Variants in USP14 observed in about 807,000 individuals in gnomAD.
USP14 encodes the protein ubiquitin carboxyl-terminal hydrolase 14.
USP14 carries 38 observed loss-of-function variants against 76.5 expected under a neutral mutation model. The ratio of observed to expected loss-of-function variants is 0.50; its 90% CI spans 0.38 to 0.65. The LOEUF (loss-of-function observed/expected upper bound fraction) is 0.65. USP14 is among the 30% of genes least tolerant of loss of function. The pLI, the probability that USP14 is intolerant of heterozygous loss-of-function variation, is 0.00. For synonymous variants in USP14, 192 were observed against 191.7 expected (o/e 1.00, Z -0.01); for missense variants, 467 against 586.5 (o/e 0.80, Z 2.10).
intron 6 of USP14, among the ~76,000 whole-genome samples, chr18:194,074 T>G (rs559374588): frequency 6.6e-4 from 100 of 152,356 alleles, no homozygotes; most frequent in Non-Finnish European, 1.1e-3. Flanking sequence ...CTGATTTCTC[T>G]GTCTCCTTAC....
In USP14 at chr18:196,675, T is replaced by C. The variant is rs1471765831; in HGVS notation, c.502T>C (p.Ser168Pro). The C allele has an allele frequency of 6.2e-7, 1 of 1,613,946 alleles. No homozygotes were observed. The highest frequency in any genetic ancestry group is 1.1e-5 in the South Asian group (1 of 91,024). ...DLFDSMDKTS[S>P]SIPPIILLQF... ...GTTTGATTCCATGGATAAAACTTCT[T>C]CCAGTATTCCACCTATTATTCTACT... The change falls in exon 7 of 16, where the codon TCC (serine) becomes CCC (proline). Residue 168 changes from serine to proline, a missense_variant. Physicochemically the swap from Ser to Pro is moderately conservative, Grantham distance 74 (BLOSUM62 -1). Coordinates refer to ENST00000261601, the MANE Select transcript of USP14 (RefSeq NM_005151.4).
Position 199,313 on chromosome 18 carries a change from A to C in USP14, c.873A>C (p.Lys291Asn). 6.2e-7 allele frequency: 1 copy of C among 1,600,362 alleles called. No homozygotes were observed. The highest frequency in any genetic ancestry group is 8.6e-7 in the Non-Finnish European group (1 of 1,167,872). Residue 291 changes from lysine (K) to asparagine (N), a missense_variant, in exon 10 of 16, where the codon AAA (lysine) becomes AAC (asparagine). Lys to Asn is a moderately conservative substitution (Grantham distance 94). Coordinates refer to ENST00000261601, the MANE Select transcript of USP14 (RefSeq NM_005151.4). ...TCAAGTATCTTTTTACAGGACTTAA[A>C]TTGGTAAGGACAATCTCAGTCCATC... ...QEVKYLFTGL[K>N]LRLQEEITKQ...
At position 181,796 on chromosome 18, in the gene USP14, A is replaced by G. The variant is rs1055987601; in HGVS notation, c.404+1457A>G. Among the ~76,000 whole-genome samples the G allele has an allele frequency of 3.3e-5, 5 of 152,102 alleles. No homozygotes were observed. In the South Asian group the frequency reaches 8.3e-4, roughly 25 times the overall value. ...GCTTTTGGTTTCATATGTAAAAGCC[A>G]TTGTCTAATTCTAGGTTACAAAGAC... On this transcript the variant is annotated intron_variant, in intron 5 of 15. Transcript: ENST00000261601.
chr18:173,170 A>G (rs573535823), intron 3 of USP14, among the ~76,000 whole-genome samples: 20 of 145,242 alleles, frequency 1.4e-4, no homozygotes, highest in Non-Finnish European at 1.8e-4. Context: ...GTGCAGTGGC[A>G]CGATCTCGGC....
intron 2 of USP14, 104 bp from the exon 3 acceptor site, chr18:166,683 A>G: frequency 1.5e-6 from 2 of 1,355,630 alleles, no homozygotes; most frequent in East Asian, 2.4e-5. Flanking sequence ...TGCATATAGG[A>G]TAAATTTTAT....
At chr18:171,025 A>AAAAAAATATATATATATATAT (rs1327304974) in intron 3 of USP14, among the ~76,000 whole-genome samples, 1 of 47,648 alleles carries the variant, frequency 2.1e-5, no homozygotes, top group Non-Finnish European at 3.7e-5. Flanking sequence ...AAAAAAAAAA[A>AAAAAAATATATATATATATAT]ATATATATAT....
intron 10 of USP14, among the ~76,000 whole-genome samples, chr18:202,212 C>T (rs930900023): frequency 1.3e-5 from 2 of 152,084 alleles, no homozygotes; most frequent in African/African-American, 4.8e-5. Flanking sequence ...AAATATTTTA[C>T]CAGGTTTTCT....
chr18:162,120 A>G (rs1909137674), intron 1 of USP14, among the ~76,000 whole-genome samples: 1 of 152,074 alleles, frequency 6.6e-6, no homozygotes, highest in African/African-American at 2.4e-5. Context: ...TATATACCAC[A>G]TTTTCTTTGT....
Position 192,862 on chromosome 18 carries a change from C to T in USP14, c.425C>T (p.Ala142Val), listed in dbSNP as rs1448770257. The T allele has an allele frequency of 6.2e-7, 1 of 1,613,812 alleles. No homozygotes were observed. Among genetic ancestry groups the T allele is most frequent in the South Asian group, 1.1e-5 (1 of 91,034 alleles). ...CCTAGGTATGCAGGTGCCTTGAGAG[C>T]TTCAGGGGAAATGGCTTCAGCGCAG... ...ALKRYAGALR[A>V]SGEMASAQYI... Residue 142 changes from alanine (A) to valine (V), a missense_variant, in exon 6 of 16, where the codon GCT (alanine) becomes GTT (valine). Coordinates refer to ENST00000261601, the MANE Select transcript of USP14 (RefSeq NM_005151.4).
At chr18:171,025 A>AAAAAATATATATATATATATATAT (rs1327304974) in intron 3 of USP14, among the ~76,000 whole-genome samples, 3 of 47,650 alleles carry the variant, frequency 6.3e-5, no homozygotes, top group African/African-American at 2.6e-4. Flanking sequence ...AAAAAAAAAA[A>AAAAAATATATATATATATATATAT]ATATATATAT....
In USP14 at chr18:158,576, G is replaced by T; in HGVS notation, c.-123G>T. On this transcript the variant is annotated 5_prime_UTR_variant, in exon 1 of 16. Transcript: ENST00000261601. The stretch of plus-strand genomic sequence containing the variant: ...CGGTTTGAATGAGACTCGTCGCACC[G>T]AAGCCGCCGCCACCACCGCGCCTCC... 9.6e-7 allele frequency: 1 copy of T among 1,041,260 alleles called. No homozygotes were observed. The highest frequency in any genetic ancestry group is 1.4e-6 in the Non-Finnish European group (1 of 737,418). 64.5% of individuals were successfully genotyped at this position (1,041,260 alleles called of 1,614,324 possible).
At chr18:179,297 T>C (rs1206091603) in intron 4 of USP14, among the ~76,000 whole-genome samples, 2 of 152,194 alleles carry the variant, frequency 1.3e-5, no homozygotes, top group African/African-American at 2.4e-5. Flanking sequence ...GTGAATTTAC[T>C]TAGGCTTAAC....
At chr18:196,929 C>A (rs1215397455) in intron 7 of USP14, among the ~76,000 whole-genome samples, 162 bp downstream of exon 7, 1 of 151,312 alleles carries the variant, frequency 6.6e-6, no homozygotes, top group African/African-American at 2.4e-5. Flanking sequence ...TAACTGATAT[C>A]TGGCTTCTGC....
rs983525989 is a variant in USP14 at position 211,711 on chromosome 18, G to C, written c.*427G>C. 1 of 153,050 alleles carries C rather than the reference G, an allele frequency of 6.5e-6. No individual in the cohort carries two copies. Among genetic ancestry groups the C allele is most frequent in the Non-Finnish European group, 1.5e-5 (1 of 68,442 alleles). The allele number at this position is 153,050 out of a possible 1,614,324, so 9.5% of individuals were successfully genotyped here. The stretch of plus-strand genomic sequence containing the variant: ...ACCATTCTGTAGCCACCCATCCTTT[G>C]CCTTATCTAACAAACATTTTTCCAG... On this transcript the variant is annotated 3_prime_UTR_variant, in exon 16 of 16. Coordinates refer to ENST00000261601, the MANE Select transcript of USP14 (RefSeq NM_005151.4).
rs187087298 is a variant in USP14, at chr18:192,744, T to C, written c.405-98T>C. 627 of 1,085,104 alleles carry C rather than the reference T, an allele frequency of 5.8e-4. 1 individual carries two copies. In the African/African-American group the frequency reaches 8.4e-3, roughly 15 times the overall value. 67.2% of individuals were successfully genotyped at this position (1,085,104 alleles called of 1,614,324 possible). A position where few individuals can be genotyped will look rare whatever the true frequency, so the allele number is the denominator to read the frequency against. On this transcript the variant is annotated intron_variant, in intron 5 of 15. Transcript: ENST00000261601. The stretch of plus-strand genomic sequence containing the variant: ...GGGAACAACTCTGAGAAACTTGCAG[T>C]TGAGGGTGTCATAAGAACTCCTTTT...
intron 10 of USP14, among the ~76,000 whole-genome samples, chr18:200,328 A>G (rs1300694769): frequency 2.0e-5 from 3 of 152,214 alleles, no homozygotes; most frequent in African/African-American, 4.8e-5. Context: ...AAGGGTGATC[A>G]TATAATGTAT....
chr18:175,156 T>A (rs1198518390), intron 3 of USP14, among the ~76,000 whole-genome samples: 1 of 152,228 alleles, frequency 6.6e-6, no homozygotes, highest in Non-Finnish European at 1.5e-5. Context: ...TTGTATCCTG[T>A]GACTTTATTT....
chr18:175,683 A>G (rs1269195211), intron 3 of USP14, among the ~76,000 whole-genome samples: 1 of 151,886 alleles, frequency 6.6e-6, no homozygotes, highest in Non-Finnish European at 1.5e-5. Context: ...ATTCTTTTTT[A>G]TCTGGTTTTG....
chr18:159,445 G>T (rs1170866245), intron 1 of USP14, among the ~76,000 whole-genome samples: 1 of 152,166 alleles, frequency 6.6e-6, no homozygotes, highest in Non-Finnish European at 1.5e-5. Context: ...TTTACTTAGG[G>T]AATGGACCTT....
Sources: allele counts gnomAD v4.1 joint callset (sites outside exome capture counted in the v4.1 genomes callset), GRCh38; gene constraint gnomAD v4.1.1; transcripts MANE v1.5; gene names NCBI Gene and HGNC (gene_info 2026-07-23, HGNC 2026-07-21).